Variants in PDE4D observed in about 807,000 individuals in gnomAD.
PDE4D encodes the protein 3',5'-cyclic-AMP phosphodiesterase 4D.
Under a neutral mutation model 87.4 loss-of-function variants are expected in PDE4D, and 24 were observed. The ratio of observed to expected loss-of-function variants is 0.27; its 90% CI spans 0.20 to 0.39. The LOEUF is 0.39. PDE4D is among the 10% of genes least tolerant of loss of function. The probability of loss-of-function intolerance (pLI) is 1.00; values close to 1 mark genes in which losing one functional copy is unlikely to be tolerated. For synonymous variants in PDE4D, 384 were observed against 383.2 expected, an observed-to-expected ratio of 1.00 and a Z score of -0.02; for missense variants, 714 against 1,041.0, an observed-to-expected ratio of 0.69 and a Z score of 4.32.
intron 1 of PDE4D, among the ~76,000 whole-genome samples, chr5:59,608,530 A>G (rs1249692106): frequency 6.6e-6 from 1 of 152,180 alleles, no homozygotes; most frequent in Non-Finnish European, 1.5e-5. Context: ...GAACCATTTA[A>G]TTGCATAGGA....
intron 1 of PDE4D, among the ~76,000 whole-genome samples, chr5:59,574,096 ATATATATTT>A (rs1173615527): frequency 0.015 from 28 of 1,930 alleles, no homozygotes; most frequent in African/African-American, 0.029. Flanking sequence ...ATATATATAA[ATATATATTT>A]ATATATATAT....
intron 1 of PDE4D, among the ~76,000 whole-genome samples, chr5:59,838,855 CAG>C (rs1354836459): frequency 1.3e-5 from 2 of 152,008 alleles, no homozygotes; most frequent in African/African-American, 4.8e-5. Flanking sequence ...CCTTGACAAA[CAG>C]ATGTCTATTC....
In PDE4D at chr5:59,064,795, C is replaced by G. The variant is rs184615221; in HGVS notation, c.809-25824G>C. ...CCAACTTTAGATTTATTTTTAAGCT[C>G]TAGCTTTTTTCCCCACCATTCCAAC... On this transcript the variant is annotated intron_variant, in intron 5 of 14. Coordinates refer to ENST00000340635, the MANE Select transcript of PDE4D (RefSeq NM_001104631.2). Among the ~76,000 whole-genome samples the G allele has an allele frequency of 1.3e-3, 200 of 152,120 alleles. 1 individual carries two copies. Among genetic ancestry groups the G allele is most frequent in the Middle Eastern group, 6.8e-3 (2 of 294 alleles).
chr5:60,294,937 T>C (rs1160322438), intron 1 of PDE4D, among the ~76,000 whole-genome samples: 1 of 152,070 alleles, frequency 6.6e-6, no homozygotes, highest in Admixed American at 6.5e-5. Context: ...TTTGAATATA[T>C]AGATTAATTC....
At chr5:59,275,527 AT>A in intron 1 of PDE4D, 1 of 1,459,956 alleles carries the variant, frequency 6.8e-7, no homozygotes, top group Non-Finnish European at 9.0e-7. Context: ...AAGAAATCCA[AT>A]TTTCCTGGAG....
chr5:59,899,776 A>T (rs994059116), intron 3 of PDE4D, among the ~76,000 whole-genome samples: 1 of 152,192 alleles, frequency 6.6e-6, no homozygotes, highest in Non-Finnish European at 1.5e-5. Flanking sequence ...CATGGCAGCC[A>T]GCTTGTTATG....
intron 1 of PDE4D, among the ~76,000 whole-genome samples, chr5:59,256,583 A>G (rs1208867372): frequency 6.6e-6 from 1 of 152,118 alleles, no homozygotes; most frequent in East Asian, 1.9e-4. Flanking sequence ...GGACAGCAGT[A>G]AACCTGGTAA....
chr5:59,015,514 C>T (rs1429612179), intron 6 of PDE4D, among the ~76,000 whole-genome samples: 5 of 151,416 alleles, frequency 3.3e-5, no homozygotes, highest in South Asian at 4.2e-4. Flanking sequence ...CCAACAGACA[C>T]GTGAAAAAAT....
intron 1 of PDE4D, among the ~76,000 whole-genome samples, chr5:59,387,455 T>A (rs936646318): frequency 1.3e-5 from 2 of 152,106 alleles, no homozygotes; most frequent in African/African-American, 4.8e-5. Flanking sequence ...AGAGCTCCAA[T>A]GATCTGACAC....
intron 1 of PDE4D, chr5:59,768,477 T>C: frequency 6.3e-7 from 1 of 1,598,434 alleles, no homozygotes; most frequent in Non-Finnish European, 8.5e-7. Context: ...CTTCAGGTAC[T>C]GTTAAAGTGT....
chr5:59,103,133 T>G (rs1183317223), intron 5 of PDE4D, among the ~76,000 whole-genome samples: 1 of 152,208 alleles, frequency 6.6e-6, no homozygotes, highest in Admixed American at 6.5e-5. Context: ...ATTCCCTAAT[T>G]CATGTTCTTG....
chr5:60,331,353 C>G (rs1757289605), intron 1 of PDE4D, among the ~76,000 whole-genome samples: 1 of 152,208 alleles, frequency 6.6e-6, no homozygotes, highest in African/African-American at 2.4e-5. Context: ...TGCAACGCAC[C>G]TAAGAAAAGC....
chr5:59,724,025 C>A (rs993322178), intron 1 of PDE4D, among the ~76,000 whole-genome samples: 2 of 152,088 alleles, frequency 1.3e-5, no homozygotes, highest in African/African-American at 4.8e-5. Context: ...GTTTCCCAGA[C>A]TTCTTTTATT....
At chr5:59,421,606 T>C (rs559704465) in intron 1 of PDE4D, among the ~76,000 whole-genome samples, 24 of 152,048 alleles carry the variant, frequency 1.6e-4, no homozygotes, top group African/African-American at 5.5e-4. Flanking sequence ...AACAAAGAAA[T>C]AGAAGAAAAA....
At chr5:59,771,822 A>C (rs1208375198) in intron 1 of PDE4D, among the ~76,000 whole-genome samples, 1 of 152,240 alleles carries the variant, frequency 6.6e-6, no homozygotes, top group Non-Finnish European at 1.5e-5. Flanking sequence ...AGCATTCTGC[A>C]GATCTCCCAT....
intron 1 of PDE4D, chr5:59,430,306 G>A (rs1204143856): frequency 8.1e-6 from 10 of 1,231,134 alleles, no homozygotes; most frequent in Middle Eastern, 3.1e-4. Flanking sequence ...TCTCCTCTGT[G>A]GCTTAATATC....
intron 5 of PDE4D, among the ~76,000 whole-genome samples, chr5:59,067,948 G>A (rs527621768): frequency 2.6e-5 from 4 of 152,092 alleles, no homozygotes; most frequent in Admixed American, 6.6e-5. Context: ...AAGGTACTTG[G>A]AGACTCATAT....
intron 1 of PDE4D, among the ~76,000 whole-genome samples, chr5:60,306,045 A>G (rs1227675561): frequency 6.6e-6 from 1 of 152,138 alleles, no homozygotes; most frequent in African/African-American, 2.4e-5. Context: ...AAGTTGATCA[A>G]AAATTGTTCA....
At chr5:60,441,098 C>T (rs1291849674) in intron 1 of PDE4D, among the ~76,000 whole-genome samples, 1 of 151,774 alleles carries the variant, frequency 6.6e-6, no homozygotes, top group Non-Finnish European at 1.5e-5. Flanking sequence ...GGAAAAGCAT[C>T]TTTATGGAAC....
Sources: allele counts gnomAD v4.1 joint callset (sites outside exome capture counted in the v4.1 genomes callset), GRCh38; gene constraint gnomAD v4.1.1; transcripts MANE v1.5; gene names NCBI Gene and HGNC (gene_info 2026-07-23, HGNC 2026-07-21).